SPATA16: variants seen among roughly 807,000 people sequenced by gnomAD.
SPATA16 encodes the protein spermatogenesis-associated protein 16.
SPATA16 carries 36 observed loss-of-function variants against 63.3 expected under a neutral mutation model. That is an observed-to-expected ratio of 0.57 (90% CI 0.44 to 0.75). SPATA16 has a LOEUF of 0.75. SPATA16 is among the 30% of genes least tolerant of loss of function. The probability of loss-of-function intolerance (pLI) is 0.00; values close to 1 mark genes in which losing one functional copy is unlikely to be tolerated. For synonymous variants in SPATA16, 203 were observed against 216.7 expected, an observed-to-expected ratio of 0.94 and a Z score of 0.56; for missense variants, 646 against 679.3, an observed-to-expected ratio of 0.95 and a Z score of 0.54.
At chr3:172,901,163 T>C (rs1732118989) in intron 10 of SPATA16, among the ~76,000 whole-genome samples, 1 of 152,208 alleles carries the variant, frequency 6.6e-6, no homozygotes, top group Non-Finnish European at 1.5e-5. Context: ...TAATTGCTCA[T>C]TAAATCATTT....
chr3:173,029,833 A>G (rs1380476716), intron 3 of SPATA16, among the ~76,000 whole-genome samples: 1 of 152,044 alleles, frequency 6.6e-6, no homozygotes, highest in African/African-American at 2.4e-5. Context: ...GCTAGAGTGT[A>G]ATGGTGTGAT....
intron 6 of SPATA16, among the ~76,000 whole-genome samples, chr3:172,955,550 C>A (rs1577105033): frequency 6.6e-6 from 1 of 152,114 alleles, no homozygotes; most frequent in Admixed American, 6.5e-5. Context: ...CTCCTCTTCC[C>A]TTTCTCTGCC....
At chr3:172,998,108 A>G (rs1734731957) in intron 4 of SPATA16, among the ~76,000 whole-genome samples, 1 of 152,116 alleles carries the variant, frequency 6.6e-6, no homozygotes, top group Non-Finnish European at 1.5e-5. Context: ...ACTGTGTTGA[A>G]TCTATGGATC....
chr3:173,059,337 G>A (rs1736321135), intron 2 of SPATA16, among the ~76,000 whole-genome samples: 1 of 122,176 alleles, frequency 8.2e-6, no homozygotes, highest in African/African-American at 3.5e-5. Flanking sequence ...TTTTACTAAT[G>A]TCTTTTTTTT....
At chr3:172,953,343 A>C (rs1360387337) in intron 6 of SPATA16, among the ~76,000 whole-genome samples, 2 of 152,182 alleles carry the variant, frequency 1.3e-5, no homozygotes, top group Non-Finnish European at 2.9e-5. Context: ...AGCAAGGGAA[A>C]AATGGCAGAG....
Position 173,131,715 on chromosome 3 carries a change from G to T in SPATA16, c.-19+9388C>A, listed in dbSNP as rs1013898574. The stretch of plus-strand genomic sequence containing the variant: ...GCTTTGGAGAAACAGCACACTTTCA[G>T]CTGAAACTCTTGAGAACCAGGGTAG... On this transcript the variant is annotated intron_variant, in intron 1 of 10. Transcript: ENST00000351008. Among the ~76,000 whole-genome samples, 2 of 152,248 alleles carry T rather than the reference G, an allele frequency of 1.3e-5. 1 individual carries two copies. Among genetic ancestry groups the T allele is most frequent in the Middle Eastern group, 6.8e-3 (2 of 294 alleles).
chr3:173,070,394 CA>C (rs34180269), intron 2 of SPATA16, among the ~76,000 whole-genome samples: 28,625 of 92,916 alleles, frequency 0.31, 3,035 homozygotes, highest in African/African-American at 0.41. Context: ...GACTCTGTCT[CA>C]AAAAAAAAAA....
At chr3:173,065,529 A>C (rs1736498516) in intron 2 of SPATA16, among the ~76,000 whole-genome samples, 1 of 152,252 alleles carries the variant, frequency 6.6e-6, no homozygotes, top group Non-Finnish European at 1.5e-5. Context: ...AATCACTTTC[A>C]TAAGAACCAA....
At chr3:172,957,900 C>T (rs1336485041) in intron 5 of SPATA16, among the ~76,000 whole-genome samples, 2 of 152,150 alleles carry the variant, frequency 1.3e-5, no homozygotes, top group Non-Finnish European at 2.9e-5. Flanking sequence ...TTCTTAGTGA[C>T]TTCAAATGCC....
chr3:172,928,482 C>T (rs1168700854), intron 6 of SPATA16, among the ~76,000 whole-genome samples: 3 of 152,140 alleles, frequency 2.0e-5, no homozygotes, highest in Non-Finnish European at 2.9e-5. Context: ...TGAGTAACCT[C>T]GAGATTTGGC....
chr3:172,991,269 C>A (rs34293684), intron 4 of SPATA16, among the ~76,000 whole-genome samples: 12,384 of 152,130 alleles, frequency 0.081, 711 homozygotes, highest in East Asian at 0.15. Context: ...TTAAATATAC[C>A]TGTTTAGTAC....
intron 9 of SPATA16, among the ~76,000 whole-genome samples, chr3:172,914,829 A>G (rs909935082): frequency 2.0e-5 from 3 of 152,148 alleles, no homozygotes; most frequent in Admixed American, 1.3e-4. Context: ...AGGAATGTCA[A>G]TAATGCTAGT....
chr3:173,115,423 G>A (rs1302547522), intron 2 of SPATA16, among the ~76,000 whole-genome samples: 1 of 152,184 alleles, frequency 6.6e-6, no homozygotes, highest in African/African-American at 2.4e-5. Flanking sequence ...GGTATTCTTT[G>A]TAGAGTCTTT....
intron 3 of SPATA16, among the ~76,000 whole-genome samples, chr3:173,024,427 A>G (rs1023725907): frequency 6.6e-6 from 1 of 151,284 alleles, no homozygotes; most frequent in Non-Finnish European, 1.5e-5. Flanking sequence ...ATTTTCCAAG[A>G]GTTACCAGAA....
At chr3:173,014,420 T>A (rs1003855068) in intron 4 of SPATA16, among the ~76,000 whole-genome samples, 1 of 152,082 alleles carries the variant, frequency 6.6e-6, no homozygotes, top group Admixed American at 6.5e-5. Context: ...ACAATAAACA[T>A]TGGGTACTGC....
At chr3:173,019,328 A>T (rs911616114) in intron 4 of SPATA16, among the ~76,000 whole-genome samples, 158 bp downstream of exon 4, 4 of 152,224 alleles carry the variant, frequency 2.6e-5, no homozygotes, top group Non-Finnish European at 5.9e-5. Flanking sequence ...AAAGAGAAAG[A>T]TAGTCAATAA....
intron 3 of SPATA16, among the ~76,000 whole-genome samples, chr3:173,027,976 TCC>T (rs1735491238): frequency 8.3e-5 from 2 of 23,988 alleles, no homozygotes; most frequent in African/African-American, 7.0e-4. Context: ...TTATTTTTTC[TCC>T]CTCCCTCCCT....
At chr3:172,936,075 A>G (rs375822440) in intron 6 of SPATA16, among the ~76,000 whole-genome samples, 2 of 152,328 alleles carry the variant, frequency 1.3e-5, no homozygotes, top group African/African-American at 2.4e-5. Context: ...TATCATAGAA[A>G]GATATTTGGT....
At chr3:173,112,297 A>T (rs2108332648) in intron 2 of SPATA16, among the ~76,000 whole-genome samples, 1 of 152,352 alleles carries the variant, frequency 6.6e-6, no homozygotes, top group East Asian at 1.9e-4. Flanking sequence ...TGTTAATTGG[A>T]GGGCAAAATC....
Sources: allele counts gnomAD v4.1 joint callset (sites outside exome capture counted in the v4.1 genomes callset), GRCh38; gene constraint gnomAD v4.1.1; transcripts MANE v1.5; gene names NCBI Gene and HGNC (gene_info 2026-07-23, HGNC 2026-07-21).